Variants in XIRP2 observed in about 807,000 individuals in gnomAD.
XIRP2 encodes xin actin-binding repeat-containing protein 2.
In XIRP2, 236 loss-of-function variants were observed where a neutral mutation model predicts 277.0. That is an observed-to-expected ratio of 0.85 (90% confidence interval 0.77 to 0.95). The LOEUF (loss-of-function observed/expected upper bound fraction) is 0.95, where lower values mean the gene tolerates loss of function less well. XIRP2 is among the 40% of genes least tolerant of loss of function. XIRP2 has a pLI of 0.00. For synonymous variants in XIRP2, 1,490 were observed against 1,416.5 expected, an observed-to-expected ratio of 1.05 and a Z score of -1.17; for missense variants, 4,640 against 4,157.5, an observed-to-expected ratio of 1.12 and a Z score of -3.19.
intron 4 of XIRP2, among the ~76,000 whole-genome samples, chr2:167,215,872 GC>G (rs1467545538): frequency 6.6e-6 from 1 of 152,170 alleles, no homozygotes; most frequent in African/African-American, 2.4e-5. Flanking sequence ...TCCCGAAGGG[GC>G]ATAGGTCTCA....
At position 167,251,772 on chromosome 2, in the gene XIRP2, T is replaced by G; in HGVS notation, c.10380T>G (p.Asp3460Glu). 6.2e-7 allele frequency: 1 copy of G among 1,613,430 alleles called. No homozygotes were observed. The change falls in exon 9 of 11, where the codon GAT becomes GAG. Residue 3460 changes from aspartate to glutamate, a missense_variant. Coordinates refer to ENST00000409195, the MANE Select transcript of XIRP2 (RefSeq NM_152381.6). Reference protein sequence around the residue: ...DFKHAPPTYEDVIAGHILDIS... With the variant: ...DFKHAPPTYEEVIAGHILDIS... ...AGCATGCCCCACCAACCTATGAGGA[T>G]GTCATTGCTGGACATATTTTAGATA...
chr2:167,068,677 GC>G (rs1689365938), intron 2 of XIRP2, among the ~76,000 whole-genome samples: 1 of 151,316 alleles, frequency 6.6e-6, no homozygotes, highest in South Asian at 2.1e-4. Context: ...TTGTATAAAA[GC>G]AGGTCATGGC....
chr2:166,911,772 G>T (rs186232456), intron 2 of XIRP2, among the ~76,000 whole-genome samples: 1 of 152,112 alleles, frequency 6.6e-6, no homozygotes, highest in Non-Finnish European at 1.5e-5. Context: ...CATGTTTAGT[G>T]CTTCCTTCAG....
intron 3 of XIRP2, among the ~76,000 whole-genome samples, chr2:167,142,042 T>C (rs1558994862): frequency 6.6e-6 from 1 of 152,150 alleles, no homozygotes. Flanking sequence ...AAAATCCTCA[T>C]ATCTTGCCAC....
chr2:167,238,992 A>G (rs567764524), intron 5 of XIRP2, among the ~76,000 whole-genome samples: 2 of 152,312 alleles, frequency 1.3e-5, no homozygotes, highest in East Asian at 1.9e-4. Flanking sequence ...TTCAGGTTCA[A>G]CTGTTCTAAC....
At chr2:166,912,583 C>T (rs1684741046) in intron 2 of XIRP2, among the ~76,000 whole-genome samples, 1 of 152,104 alleles carries the variant, frequency 6.6e-6, no homozygotes, top group African/African-American at 2.4e-5. Context: ...GAAGTTTGAT[C>T]GTCTGAAGCC....
At chr2:166,970,878 CAACAT>C (rs1686559762) in intron 2 of XIRP2, among the ~76,000 whole-genome samples, 1 of 151,444 alleles carries the variant, frequency 6.6e-6, no homozygotes, top group Admixed American at 6.6e-5. Flanking sequence ...ATAATGAAAA[CAACAT>C]AAATAAATGA....
rs143327233 is a variant in XIRP2 at position 167,126,524 on chromosome 2, A to G, written c.409-9385A>G. ...GTACTGTAAAAATTGGTGGGGAGGC[A>G]TGATTTGTCCTTATTTTTCTGATGA... On this transcript the variant is annotated intron_variant, in intron 2 of 10. Coordinates refer to ENST00000409195, the MANE Select transcript of XIRP2 (RefSeq NM_152381.6). 1.5e-3 allele frequency among the ~76,000 whole-genome samples: 236 copies of G among 152,292 alleles called. 1 individual carries two copies. Among genetic ancestry groups the G allele is most frequent in the African/African-American group, 5.5e-3 (227 of 41,564 alleles).
intron 3 of XIRP2, among the ~76,000 whole-genome samples, chr2:167,153,677 C>A (rs964326729): frequency 4.6e-5 from 7 of 151,382 alleles, no homozygotes; most frequent in African/African-American, 1.2e-4. Flanking sequence ...TTTGTTCTTG[C>A]GATAGTTTAC....
At chr2:166,966,019 T>A (rs1406411327) in intron 2 of XIRP2, among the ~76,000 whole-genome samples, 1 of 151,932 alleles carries the variant, frequency 6.6e-6, no homozygotes, top group African/African-American at 2.4e-5. Context: ...ATAAATAAAT[T>A]GTGTTTATCT....
At chr2:167,053,959 C>T (rs997647045) in intron 2 of XIRP2, among the ~76,000 whole-genome samples, 4 of 152,150 alleles carry the variant, frequency 2.6e-5, no homozygotes, top group African/African-American at 7.2e-5. Context: ...TTCAGTGAAA[C>T]GATCTGTATT....
rs925888726 is a variant in XIRP2, at chr2:166,907,004, C to T, written c.408+3114C>T. ...CCTAAAACAGTCACTATTTCAGAGT[C>T]TTTGTTAAAACAATTTATTCTAACA... On this transcript the variant is annotated intron_variant, in intron 2 of 10. Coordinates refer to ENST00000409195, the MANE Select transcript of XIRP2 (RefSeq NM_152381.6). Among the ~76,000 whole-genome samples, 4 of 152,228 alleles carry T rather than the reference C, an allele frequency of 2.6e-5. No individual in the cohort carries two copies. The East Asian group carries it at 7.7e-4, about 29-fold the overall frequency.
At chr2:167,089,005 A>T (rs1230087268) in intron 2 of XIRP2, among the ~76,000 whole-genome samples, 1 of 152,116 alleles carries the variant, frequency 6.6e-6, no homozygotes, top group Non-Finnish European at 1.5e-5. Flanking sequence ...GCACTCAACA[A>T]ATGTTTGGTA....
chr2:167,019,559 T>C (rs1687925951), intron 2 of XIRP2, among the ~76,000 whole-genome samples: 1 of 151,994 alleles, frequency 6.6e-6, no homozygotes, highest in African/African-American at 2.4e-5. Context: ...AACAAGGCAA[T>C]AAAGTAAATG....
At chr2:167,067,135 C>T (rs1441609768) in intron 2 of XIRP2, among the ~76,000 whole-genome samples, 1 of 152,044 alleles carries the variant, frequency 6.6e-6, no homozygotes, top group Admixed American at 6.6e-5. Flanking sequence ...CTGCCTCCCT[C>T]CTTTCTATTC....
chr2:167,025,435 T>A (rs1386358041), intron 2 of XIRP2, among the ~76,000 whole-genome samples: 3 of 152,256 alleles, frequency 2.0e-5, no homozygotes, highest in Admixed American at 2.0e-4. Flanking sequence ...TTTGAAGGGT[T>A]TTTTGTGTCT....
intron 3 of XIRP2, among the ~76,000 whole-genome samples, chr2:167,144,082 CT>C (rs990828164): frequency 2.0e-5 from 3 of 151,940 alleles, no homozygotes; most frequent in African/African-American, 7.2e-5. Context: ...AACCTAACTT[CT>C]TATTTCTTTT....
intron 2 of XIRP2, among the ~76,000 whole-genome samples, chr2:166,948,875 A>C (rs1685952171): frequency 6.6e-6 from 1 of 152,232 alleles, no homozygotes; most frequent in South Asian, 2.1e-4. Context: ...TGGTCAGAAA[A>C]GAAATACCAA....
At chr2:167,208,381 C>T (rs1241402060) in intron 3 of XIRP2, among the ~76,000 whole-genome samples, 3 of 152,122 alleles carry the variant, frequency 2.0e-5, no homozygotes, top group Non-Finnish European at 2.9e-5. Flanking sequence ...ATCTTGGCTT[C>T]ACTGCAAGCT....
Sources: gnomAD v4.1 joint callset for allele counts (sites outside exome capture counted in the v4.1 genomes callset) on GRCh38, gnomAD v4.1.1 for gene constraint, MANE v1.5 for transcripts, NCBI Gene and HGNC (gene_info 2026-07-23, HGNC 2026-07-21) for gene names.